Variants in FRMD1 observed in about 807,000 individuals in gnomAD.
The protein encoded by FRMD1 is FERM domain-containing protein 1.
A neutral mutation model predicts 54.9 loss-of-function variants in FRMD1; 51 were observed. The ratio of observed to expected loss-of-function variants is 0.93; its 90% confidence interval spans 0.74 to 1.17. The LOEUF is 1.17. Ranked by LOEUF, FRMD1 falls within the 50% of genes most tolerant of loss-of-function variation. The pLI, the probability that FRMD1 is intolerant of heterozygous loss-of-function variation, is 0.00. For synonymous variants in FRMD1, 324 were observed against 306.4 expected (o/e 1.06, Z -0.60); for missense variants, 729 against 743.0 (o/e 0.98, Z 0.22).
At chr6:168,065,992 C>T (rs902189289) in intron 4 of FRMD1, 12 of 1,000,096 alleles carry the variant, frequency 1.2e-5, no homozygotes, top group Non-Finnish European at 1.4e-5. Context: ...GAAGAAGCAG[C>T]CCCCGTTGGT....
At chr6:168,062,781 C>T in intron 7 of FRMD1, 113 bp downstream of exon 7, 1 of 1,598,892 alleles carries the variant, frequency 6.3e-7, no homozygotes, top group Non-Finnish European at 8.5e-7. Flanking sequence ...GCAGGGCCAG[C>T]CAGCGCCCAT....
chr6:168,088,230 G>A (rs992143207), intron 1 of FRMD1, among the ~76,000 whole-genome samples: 13 of 152,202 alleles, frequency 8.5e-5, no homozygotes, highest in Admixed American at 7.2e-4. Flanking sequence ...GGGACTATGT[G>A]AGCCCGAAGA....
At chr6:168,088,363 G>A (rs1338246201) in intron 1 of FRMD1, among the ~76,000 whole-genome samples, 2 of 152,158 alleles carry the variant, frequency 1.3e-5, no homozygotes, top group African/African-American at 2.4e-5. Context: ...AACTGCGGGC[G>A]GGGGAGTGGC....
At chr6:168,076,929 G>T (rs1037143740) in intron 1 of FRMD1, among the ~76,000 whole-genome samples, 1 of 151,954 alleles carries the variant, frequency 6.6e-6, no homozygotes, top group African/African-American at 2.4e-5. Context: ...TCTAACTACA[G>T]ATACACACGA....
chr6:168,063,387 G>A (rs1184084776), intron 6 of FRMD1, among the ~76,000 whole-genome samples: 3 of 150,674 alleles, frequency 2.0e-5, no homozygotes, highest in Admixed American at 6.6e-5. Context: ...TCTTAGCCAT[G>A]GGGGCTCCAT....
intron 2 of FRMD1, among the ~76,000 whole-genome samples, chr6:168,074,557 ATG>A (rs1759703925): frequency 1.7e-5 from 2 of 119,940 alleles, no homozygotes; most frequent in Non-Finnish European, 3.5e-5. Context: ...AATTGTGTGC[ATG>A]TGTGTGGTTT....
Position 168,061,886 on chromosome 6 carries a change from G to T in FRMD1, c.966C>A (p.His322Gln), listed in dbSNP as rs150947481. 1 of 1,592,936 alleles carries T rather than the reference G, an allele frequency of 6.3e-7. No individual in the cohort carries two copies. ...GCTWRSRHLL[H>Q]LLRASHQLHL... ...GGAGCTGGTGGCTGGCGCGCAGCAG[G>T]TGCAGCAGGTGCCTGGACCGCCAGG... The change falls in exon 8 of 11, where the codon CAC (histidine) becomes CAA (glutamine). Residue 322 changes from histidine (H) to glutamine (Q), a missense_variant. By Grantham distance (24) the His-to-Gln change is conservative. Transcript: ENST00000283309.
chr6:168,070,185 G>A (rs1018897467), intron 2 of FRMD1, among the ~76,000 whole-genome samples: 1 of 151,162 alleles, frequency 6.6e-6, no homozygotes, highest in Non-Finnish European at 1.5e-5. Flanking sequence ...GGGTGGCAGA[G>A]TGAGATGAAG....
At position 168,066,835 on chromosome 6, in the gene FRMD1, G is replaced by A. The variant is rs1338353435; in HGVS notation, c.385-4C>T. 5.0e-6 allele frequency: 8 copies of A among 1,611,628 alleles called. No homozygotes were observed. In the South Asian group the frequency reaches 8.9e-5, roughly 18 times the overall value. On this transcript the variant is annotated splice_region_variant and splice_polypyrimidine_tract_variant and intron_variant, in intron 3 of 10. Transcript: ENST00000283309. ...GGGCTCTGGGTTTCTCATTTCCCTAGTGGGGAAAATGCAAGAAAGAGCAAG... is the reference window on the plus strand; with the variant it reads ...GGGCTCTGGGTTTCTCATTTCCCTAATGGGGAAAATGCAAGAAAGAGCAAG...
In FRMD1 at chr6:168,079,089, C is replaced by G. The variant is rs200628563; in HGVS notation, c.6G>C (p.Ala2=). 1.2e-6 allele frequency: 2 copies of G among 1,600,704 alleles called. No homozygotes were observed. Among genetic ancestry groups the G allele is most frequent in the African/African-American group, 2.7e-5 (2 of 74,760 alleles). Residue 2 remains alanine, a synonymous_variant, in exon 1 of 11, where the codon GCG becomes GCC. Coordinates refer to ENST00000283309, the MANE Select transcript of FRMD1 (RefSeq NM_024919.6). ...CTATGCCCCTCCCTCTCGGGGGCAC[C>G]GCCATGCTGTCGTTACTCGGCCCTC... M[A]VPPRGRGIDP...
At chr6:168,090,563 C>T (rs907659551) in intron 1 of FRMD1, among the ~76,000 whole-genome samples, 4 of 152,230 alleles carry the variant, frequency 2.6e-5, no homozygotes, top group East Asian at 1.9e-4. Flanking sequence ...GGAGGCCTGT[C>T]GCAAGCCTGC....
At chr6:168,065,564 C>T (rs56352801) in intron 4 of FRMD1, 19 of 986,842 alleles carry the variant, frequency 1.9e-5, no homozygotes, top group Admixed American at 6.1e-5. Flanking sequence ...ATAATTCCCC[C>T]GAACTGGCCC....
chr6:168,063,799 C>T (rs867881330), intron 5 of FRMD1, 43 bp from the exon 6 acceptor site: 1 of 1,554,494 alleles, frequency 6.4e-7, no homozygotes, highest in Non-Finnish European at 8.7e-7. Flanking sequence ...CCTGCTGGTC[C>T]CCCCTTCCTC....
chr6:168,059,142 G>A lies in FRMD1; in HGVS notation c.1389C>T (p.Ser463=), dbSNP rs753435160. 46 of 1,581,172 alleles carry A rather than the reference G, an allele frequency of 2.9e-5. 1 individual carries two copies. The highest frequency in any genetic ancestry group is 2.1e-4 in the South Asian group (18 of 86,814). Residue 463 remains serine (S), a synonymous_variant, in exon 10 of 11, where the codon AGC becomes AGT. Coordinates refer to ENST00000283309, the MANE Select transcript of FRMD1 (RefSeq NM_024919.6). The surrounding 1 kb of genome is among the most constrained non-coding windows in gnomAD (Gnocchi z 4.4). ...ACTCTACCTGGTGCACGGCCTCGGC[G>A]CTCTGGCCTCTGGTCCTGACCTGGG... ...PCTQVRTRGQ[S]AEAVHQIQEM... is the part of the protein sequence containing the mutation.
At chr6:168,058,885 C>T (rs1799561617) in intron 10 of FRMD1, among the ~76,000 whole-genome samples, 1 of 152,162 alleles carries the variant, frequency 6.6e-6, no homozygotes, top group Admixed American at 6.5e-5. Context: ...GGCAGGACCC[C>T]TCCCTCCCCA....
At chr6:168,079,355 G>A (rs1400085210), upstream of FRMD1, among the ~76,000 whole-genome samples, 2 of 152,248 alleles carry the variant, frequency 1.3e-5, no homozygotes, top group African/African-American at 4.8e-5. Context: ...CTCCCATGCA[G>A]GGTAGCTCAG....
chr6:168,086,602 T>C lies in FRMD1; in HGVS notation c.-11-7578A>G, dbSNP rs9455950. 1.2e-3 allele frequency among the ~76,000 whole-genome samples: 87 copies of C among 74,198 alleles called. 2 individuals carry two copies. Among genetic ancestry groups the C allele is most frequent in the Non-Finnish European group, 7.1e-4 (19 of 26,946 alleles). The allele number at this position is 74,198 out of a possible 152,430, so 48.7% of individuals were successfully genotyped here. A position where few individuals can be genotyped will look rare whatever the true frequency, so the allele number is the denominator to read the frequency against. ...GACACTGCCCATGTTCCAGCATGGA[T>C]ACCCACATCTTCAGTGTGGACACCC... On this transcript the variant is annotated intron_variant, in intron 1 of 12. Transcript: ENST00000644440.
upstream of FRMD1, among the ~76,000 whole-genome samples, chr6:168,084,123 C>T (rs931205179): frequency 4.6e-5 from 7 of 152,100 alleles, no homozygotes; most frequent in African/African-American, 1.4e-4. Context: ...AGACTAGAGA[C>T]GGCAGGTGGG....
chr6:168,066,331 T>A, intron 4 of FRMD1: 1 of 569,954 alleles, frequency 1.8e-6, no homozygotes, highest in Non-Finnish European at 2.2e-6. Context: ...AAACCCCGTC[T>A]CTACTGAAAA....
Sources: allele counts gnomAD v4.1 joint callset (sites outside exome capture counted in the v4.1 genomes callset), GRCh38; gene constraint gnomAD v4.1.1; non-coding constraint Gnocchi (gnomAD v3.1); transcripts MANE v1.5; gene names NCBI Gene and HGNC (gene_info 2026-07-23, HGNC 2026-07-21).